The following TINCR variants were observed in gnomAD, a reference collection of about 807,000 sequenced individuals.
TINCR encodes the protein TINCR ubiquitin domain containing.
Position 5,565,071 on chromosome 19 carries a change from G to A in TINCR, c.261-2122C>T, listed in dbSNP as rs1197342709. 6.6e-6 allele frequency among the ~76,000 whole-genome samples: 1 copy of A among 151,714 alleles called. No homozygotes were observed. Among genetic ancestry groups the A allele is most frequent in the East Asian group, 1.9e-4 (1 of 5,156 alleles). On this transcript the variant is annotated intron_variant, in intron 1 of 1. Coordinates refer to ENST00000646160, the Ensembl canonical transcript of TINCR. This position sits in a 1 kb window ranked among gnomAD's most constrained non-coding sequence, Gnocchi z 4.0. ...GCCCTCTATGGCTCCCACCTCCCTC[G>A]GAGTCAAGGCCCAAGTCCTCCCTGC...
intron 1 of TINCR, 36 bp downstream of exon 1, chr19:5,567,629 G>GGC: frequency 2.3e-4 from 42 of 181,972 alleles, no homozygotes; most frequent in East Asian, 6.6e-4. Flanking sequence ...CCCGGCCGCC[G>GGC]CCCCCGCCCC....
Position 5,565,837 on chromosome 19 carries a change from T to C in TINCR, c.260+1828A>G, listed in dbSNP as rs567811220. ...AATGTGACCCCCATAAAATCCAGGG[T>C]AATTCACATGGCCCCCGTCCCTCTC... On this transcript the variant is annotated intron_variant, in intron 1 of 1. Coordinates refer to ENST00000646160, the Ensembl canonical transcript of TINCR. This position sits in a 1 kb window ranked among gnomAD's most constrained non-coding sequence, Gnocchi z 4.0. Among the ~76,000 whole-genome samples the C allele has an allele frequency of 6.1e-4, 92 of 152,038 alleles. No individual in the cohort carries two copies. The highest frequency in any genetic ancestry group is 2.2e-3 in the African/African-American group (90 of 41,478).
downstream of TINCR, chr19:5,561,614 T>C (rs1202159313): frequency 2.0e-5 from 3 of 152,416 alleles, no homozygotes; most frequent in African/African-American, 7.2e-5. Context: ...TTTTCTTTCT[T>C]TTTTTTGAGA....
chr19:5,566,661 C>G (rs1298301940), intron 1 of TINCR, among the ~76,000 whole-genome samples: 1 of 150,930 alleles, frequency 6.6e-6, no homozygotes, highest in Non-Finnish European at 1.5e-5. Context: ...GAGAGAGAGA[C>G]ACACACATAC....
In TINCR at chr19:5,565,192, T is replaced by C. The variant is rs2052122209; in HGVS notation, c.261-2243A>G. 6.6e-6 allele frequency among the ~76,000 whole-genome samples: 1 copy of C among 151,746 alleles called. No individual in the cohort carries two copies. Among genetic ancestry groups the C allele is most frequent in the Non-Finnish European group, 1.5e-5 (1 of 67,874 alleles). On this transcript the variant is annotated intron_variant, in intron 1 of 1. Transcript: ENST00000646160. This position sits in a 1 kb window ranked among gnomAD's most constrained non-coding sequence, Gnocchi z 4.0. ...TCCAGCCACACGGGCCTCCTCGCTGTTCCTCCAACATGCCAGGTGCAGTCC... is the reference window on the plus strand; with the variant it reads ...TCCAGCCACACGGGCCTCCTCGCTGCTCCTCCAACATGCCAGGTGCAGTCC...
chr19:5,565,738 G>A lies in TINCR; in HGVS notation c.260+1927C>T, dbSNP rs79327432. On this transcript the variant is annotated intron_variant, in intron 1 of 1. Transcript: ENST00000646160. This position sits in a 1 kb window ranked among gnomAD's most constrained non-coding sequence, Gnocchi z 4.0. ...CATTGCAGCCCCAGACTCCTGCAAC[G>A]GGGTGGCATCTGAGGCTCCTGCCCT... Among the ~76,000 whole-genome samples the A allele has an allele frequency of 2.6e-5, 4 of 152,290 alleles. No individual in the cohort carries two copies. The highest frequency in any genetic ancestry group is 1.9e-4 in the East Asian group (1 of 5,184).
chr19:5,566,659 G>C (rs769994681), intron 1 of TINCR, among the ~76,000 whole-genome samples: 3 of 150,588 alleles, frequency 2.0e-5, no homozygotes, highest in African/African-American at 7.3e-5. Flanking sequence ...GGGAGAGAGA[G>C]ACACACACAT....
chr19:5,566,304 G>C (rs1039245632), intron 1 of TINCR, among the ~76,000 whole-genome samples: 1 of 151,980 alleles, frequency 6.6e-6, no homozygotes, highest in Non-Finnish European at 1.5e-5. Context: ...CAGAGACACA[G>C]AGAGAGAAAT....
At chr19:5,567,629 G>GCCCCCCCCCCCCCCCCCCCCCCCCCCCCC in intron 1 of TINCR, 36 bp downstream of exon 1, 6 of 181,986 alleles carry the variant, frequency 3.3e-5, no homozygotes, top group South Asian at 2.3e-4. Context: ...CCCGGCCGCC[G>GCCCCCCCCCCCCCCCCCCCCCCCCCCCCC]CCCCCGCCCC....
At chr19:5,561,725 G>A (rs2052102878), downstream of TINCR, 2 of 152,196 alleles carry the variant, frequency 1.3e-5, no homozygotes, top group African/African-American at 4.8e-5. Context: ...GAACTTGGCT[G>A]TTTTCTGCCA....
At chr19:5,559,651 A>G (rs1452227151), downstream of TINCR, 1 of 152,244 alleles carries the variant, frequency 6.6e-6, no homozygotes, top group Non-Finnish European at 1.5e-5. Flanking sequence ...CAATCAAGTG[A>G]GACAGGGCTC....
At chr19:5,560,925 G>C (rs1463696351), downstream of TINCR, 1 of 153,972 alleles carries the variant, frequency 6.5e-6, no homozygotes, top group Non-Finnish European at 1.5e-5. The surrounding 1 kb of genome is among the most constrained non-coding windows in gnomAD (Gnocchi z 4.5). Flanking sequence ...AAGAAGGCTA[G>C]GTGCTCTCTG....
rs1291263249 is a variant in TINCR at position 5,563,176 on chromosome 19, G to A, written c.261-227C>T. 2.6e-5 allele frequency among the ~76,000 whole-genome samples: 4 copies of A among 152,000 alleles called. No individual in the cohort carries two copies. The highest frequency in any genetic ancestry group is 5.9e-5 in the Non-Finnish European group (4 of 68,020). ...TCCAGGGTCTTGCAAGCCTCAGGAA[G>A]GACTTGGGCTTTGACCCTGAGGGAG... On this transcript the variant is annotated intron_variant, in intron 1 of 1. Transcript: ENST00000646160. This position sits in a 1 kb window ranked among gnomAD's most constrained non-coding sequence, Gnocchi z 4.7.
downstream of TINCR, chr19:5,559,011 C>T (rs2145283446): frequency 6.6e-6 from 1 of 152,388 alleles, no homozygotes; most frequent in Non-Finnish European, 1.5e-5. Context: ...GTGCACCTCC[C>T]GACCCAGGTC....
chr19:5,564,866 T>C (rs1031107796), intron 1 of TINCR, among the ~76,000 whole-genome samples: 1 of 152,088 alleles, frequency 6.6e-6, no homozygotes, highest in East Asian at 1.9e-4. Flanking sequence ...GTGTGAACCA[T>C]TGCGCCCAGC....
chr19:5,566,456 A>C (rs989708073), intron 1 of TINCR, among the ~76,000 whole-genome samples: 1 of 151,988 alleles, frequency 6.6e-6, no homozygotes, highest in African/African-American at 2.4e-5. Context: ...ACACAGAGGA[A>C]AGAAAGCAGA....
chr19:5,566,204 A>T (rs902816443), intron 1 of TINCR, among the ~76,000 whole-genome samples: 11 of 152,148 alleles, frequency 7.2e-5, no homozygotes, highest in African/African-American at 2.7e-4. Flanking sequence ...AACAGCAGAG[A>T]AAAATGCAGA....
chr19:5,564,586 T>C (rs1229655347), intron 1 of TINCR, among the ~76,000 whole-genome samples: 3 of 152,158 alleles, frequency 2.0e-5, no homozygotes, highest in Non-Finnish European at 2.9e-5. Flanking sequence ...CTCTCTTTTT[T>C]CTTTTGTTTT....
At chr19:5,567,603 C>T (rs2052138004) in intron 1 of TINCR, 62 bp downstream of exon 1, 2 of 373,754 alleles carry the variant, frequency 5.4e-6, no homozygotes, top group Admixed American at 4.6e-5. Context: ...GCCTCCCCCG[C>T]CGCTCTCCAG....
Sources: gnomAD v4.1 joint callset for allele counts (sites outside exome capture counted in the v4.1 genomes callset) on GRCh38, gnomAD v4.1.1 for gene constraint, Gnocchi (gnomAD v3.1) non-coding constraint, MANE v1.5 for transcripts, NCBI Gene and HGNC (gene_info 2026-07-23, HGNC 2026-07-21) for gene names.